KAT8: variants seen among roughly 807,000 people sequenced by gnomAD.
KAT8 encodes lysine acetyltransferase 8.
In KAT8, 40 loss-of-function variants were observed where a neutral mutation model predicts 62.9. The observed-to-expected ratio is 0.64, with a 90% CI of 0.49 to 0.83. The LOEUF is 0.83. Ranked by LOEUF, KAT8 falls within the 40% of genes least tolerant of loss-of-function variation. KAT8 has a pLI of 0.00. For synonymous variants in KAT8, 278 were observed against 254.5 expected (o/e 1.09, Z -0.88); for missense variants, 387 against 614.8 (o/e 0.63, Z 3.92).
intron 3 of KAT8, chr16:31,124,035 A>G (rs1432917694): frequency 6.6e-6 from 1 of 152,284 alleles, no homozygotes; most frequent in Non-Finnish European, 1.5e-5. Flanking sequence ...TTAATGTTTA[A>G]TTCTAAATAA....
chr16:31,121,687 C>T (rs926152669), intron 3 of KAT8, among the ~76,000 whole-genome samples: 12 of 152,056 alleles, frequency 7.9e-5, no homozygotes, highest in African/African-American at 2.9e-4. Context: ...GCTGGGACTA[C>T]AGGAGTGCAT....
In KAT8 at chr16:31,130,293, T is replaced by C. The variant is rs565688705; in HGVS notation, c.939T>C (p.Asn313=). 89 of 1,614,138 alleles carry C rather than the reference T, an allele frequency of 5.5e-5. No homozygotes were observed. The Middle Eastern group carries it at 1.5e-3, about 27-fold the overall frequency. ...SKEKESPDGN[N]VACILTLPPY... Reference sequence around the variant, plus strand: ...AGAAGGAGTCCCCGGATGGAAACAATGTGGCCTGCATCCTGACCTTGCCCC... The same window carrying C: ...AGAAGGAGTCCCCGGATGGAAACAACGTGGCCTGCATCCTGACCTTGCCCC... The change falls in exon 8 of 11, where the codon AAT becomes AAC. Residue 313 remains asparagine (N), a synonymous_variant. Transcript: ENST00000219797.
intron 5 of KAT8, 95 bp downstream of exon 5, chr16:31,127,448 G>A: frequency 3.1e-6 from 4 of 1,298,500 alleles, no homozygotes; most frequent in South Asian, 2.5e-5. Context: ...GCAGCTCCAG[G>A]GAGGAGACAG....
At chr16:31,128,850 A>G (rs1422762024) in intron 6 of KAT8, among the ~76,000 whole-genome samples, 1 of 152,100 alleles carries the variant, frequency 6.6e-6, no homozygotes, top group Non-Finnish European at 1.5e-5. Context: ...CTGGCCCCGA[A>G]TGACTTCAGC....
chr16:31,118,495 CCTT>C (rs1200779267), intron 1 of KAT8: 2 of 152,510 alleles, frequency 1.3e-5, no homozygotes, highest in East Asian at 3.9e-4. Context: ...TTCCCTTTCT[CCTT>C]GTTTGCCTGC....
chr16:31,129,929 T>G, intron 6 of KAT8, 88 bp from the exon 7 acceptor site: 1 of 1,469,084 alleles, frequency 6.8e-7, no homozygotes, highest in Non-Finnish European at 9.4e-7. Context: ...AGGCGCCCAC[T>G]TCGCGTGGGC....
intron 3 of KAT8, chr16:31,126,393 A>G (rs1267584915): frequency 6.5e-6 from 1 of 152,804 alleles, no homozygotes; most frequent in East Asian, 1.9e-4. Context: ...AGTAGACTCG[A>G]CATCCACTGT....
intron 10 of KAT8, 71 bp from the exon 11 acceptor site, chr16:31,131,124 A>T (rs2057575542): frequency 6.3e-7 from 1 of 1,596,008 alleles, no homozygotes; most frequent in Non-Finnish European, 8.5e-7. Flanking sequence ...GCCTGAGCCC[A>T]GAGGAGGGCA....
At chr16:31,121,787 C>CT (rs2143970359) in intron 3 of KAT8, among the ~76,000 whole-genome samples, 1 of 151,740 alleles carries the variant, frequency 6.6e-6, no homozygotes, top group African/African-American at 2.4e-5. Flanking sequence ...GCGTCTTACT[C>CT]TATCGTCTAG....
Position 31,120,181 on chromosome 16 carries a change from C to G in KAT8, c.212-5C>G. 1 of 1,613,602 alleles carries G rather than the reference C, an allele frequency of 6.2e-7. No homozygotes were observed. Among genetic ancestry groups the G allele is most frequent in the Non-Finnish European group, 8.5e-7 (1 of 1,179,556 alleles). On this transcript the variant is annotated splice_region_variant and splice_polypyrimidine_tract_variant and intron_variant, in intron 1 of 10. Transcript: ENST00000219797. ...CCTGATGACCCTAGCCTTTTTCCAT[C>G]ACAGATTCTGCTGAAGTGATCCAGT...
intron 6 of KAT8, among the ~76,000 whole-genome samples, chr16:31,129,691 C>T (rs1240615614): frequency 6.6e-6 from 1 of 152,180 alleles, no homozygotes; most frequent in Non-Finnish European, 1.5e-5. Flanking sequence ...TAAATTCCTG[C>T]CTCGGAGCCT....
intron 6 of KAT8, among the ~76,000 whole-genome samples, chr16:31,128,379 G>A (rs972332118): frequency 2.1e-4 from 32 of 152,056 alleles, no homozygotes; most frequent in African/African-American, 7.0e-4. Flanking sequence ...GAAACTCCTC[G>A]ACTAAAAATA....
intron 2 of KAT8, 26 bp from the exon 3 acceptor site, chr16:31,120,313 A>C (rs1360577588): frequency 6.2e-7 from 1 of 1,614,060 alleles, no homozygotes; most frequent in Non-Finnish European, 8.5e-7. Context: ...CTGCCCTGGC[A>C]GCACTCTTAT....
intron 2 of KAT8, 34 bp from the exon 3 acceptor site, chr16:31,120,305 G>A (rs763990266): frequency 6.2e-7 from 1 of 1,614,102 alleles, no homozygotes; most frequent in South Asian, 1.1e-5. Flanking sequence ...GGAGTTGGCT[G>A]CCCTGGCAGC....
chr16:31,130,608 T>G lies in KAT8; in HGVS notation c.1157+2T>G. 1 of 1,613,936 alleles carries G rather than the reference T, an allele frequency of 6.2e-7. No individual in the cohort carries two copies. Among genetic ancestry groups the G allele is most frequent in the African/African-American group, 1.3e-5 (1 of 75,034 alleles). ...CACACTGTCCATCAAGGACCTCAGG[T>G]GAGGGGGCCTCCCGGGCCCTGGGGG... is the stretch of plus-strand genomic sequence containing the variant. On this transcript the variant is annotated splice_donor_variant, in intron 9 of 10. Transcript: ENST00000219797. LOFTEE classifies it high-confidence loss of function.
At chr16:31,131,152 C>T (rs770381731) in intron 10 of KAT8, 43 bp from the exon 11 acceptor site, 7 of 1,610,632 alleles carry the variant, frequency 4.3e-6, no homozygotes, top group Non-Finnish European at 5.1e-6. Context: ...GTGAGCTGGC[C>T]TGGCCCAGGC....
intron 6 of KAT8, 24 bp from the exon 7 acceptor site, chr16:31,129,993 T>G (rs766432120): frequency 6.2e-7 from 1 of 1,613,462 alleles, no homozygotes; most frequent in Admixed American, 1.7e-5. Flanking sequence ...CCCCTGAGCC[T>G]GTCTCCCCCC....
At position 31,131,185 on chromosome 16, in the gene KAT8, C is replaced by T. The variant is rs1596828397; in HGVS notation, c.1313-10C>T. 3 of 1,613,958 alleles carry T rather than the reference C, an allele frequency of 1.9e-6. No individual in the cohort carries two copies. Among genetic ancestry groups the T allele is most frequent in the Non-Finnish European group, 2.5e-6 (3 of 1,179,894 alleles). ...GGCCCAGCCCTGCCTCCCGCCCCTT[C>T]TCCCCACAGTGGACTCCGTCTGCCT... On this transcript the variant is annotated splice_polypyrimidine_tract_variant and intron_variant, in intron 10 of 10. Coordinates refer to ENST00000219797, the MANE Select transcript of KAT8 (RefSeq NM_032188.3).
intron 1 of KAT8, 40 bp downstream of exon 1, chr16:31,117,932 A>G (rs1483713296): frequency 5.2e-5 from 30 of 572,528 alleles, no homozygotes; most frequent in Middle Eastern, 7.5e-4. Context: ...GGCGGAGCTC[A>G]GGGCCAGGGG....
Sources: gnomAD v4.1 joint callset for allele counts (sites outside exome capture counted in the v4.1 genomes callset) on GRCh38, gnomAD v4.1.1 for gene constraint, MANE v1.5 for transcripts, NCBI Gene and HGNC (gene_info 2026-07-23, HGNC 2026-07-21) for gene names.